ST6GALNAC5: variants seen among roughly 807,000 people sequenced by gnomAD.
ST6GALNAC5 encodes alpha-N-acetylgalactosaminide alpha-2,6-sialyltransferase 5.
ST6GALNAC5 carries 27 observed loss-of-function variants against 33.6 expected under a neutral mutation model. The observed-to-expected ratio is 0.80, with a 90% CI of 0.59 to 1.11. The LOEUF is 1.11. ST6GALNAC5 is among the 50% of genes least tolerant of loss of function. The pLI, the probability that ST6GALNAC5 is intolerant of heterozygous loss-of-function variation, is 0.00. For synonymous variants in ST6GALNAC5, 194 were observed against 171.2 expected, an observed-to-expected ratio of 1.13 and a Z score of -1.04; for missense variants, 428 against 454.0, an observed-to-expected ratio of 0.94 and a Z score of 0.52.
intron 2 of ST6GALNAC5, among the ~76,000 whole-genome samples, chr1:77,040,904 C>T (rs1302203647): frequency 6.6e-6 from 1 of 152,190 alleles, no homozygotes; most frequent in African/African-American, 2.4e-5. Context: ...CAGTGAAGGT[C>T]TTTAGAATGA....
intron 2 of ST6GALNAC5, among the ~76,000 whole-genome samples, chr1:76,993,780 A>C (rs558845825): frequency 6.6e-6 from 1 of 152,150 alleles, no homozygotes; most frequent in Admixed American, 6.5e-5. Flanking sequence ...AGATTTATCC[A>C]ACTCTCTCCT....
chr1:77,004,927 G>A (rs1650333759), intron 2 of ST6GALNAC5, among the ~76,000 whole-genome samples: 1 of 146,104 alleles, frequency 6.8e-6, no homozygotes, highest in South Asian at 2.3e-4. Context: ...AGTCTGCAGA[G>A]GTTACTGCTG....
At chr1:76,908,996 A>C (rs909447363) in intron 2 of ST6GALNAC5, among the ~76,000 whole-genome samples, 6 of 152,164 alleles carry the variant, frequency 3.9e-5, no homozygotes, top group African/African-American at 1.4e-4. Flanking sequence ...ATAACTACCC[A>C]GTGGTTATTA....
In ST6GALNAC5 at chr1:77,004,631, T is replaced by A. The variant is rs1314945677; in HGVS notation, c.262-39573T>A. On this transcript the variant is annotated intron_variant, in intron 2 of 4. Coordinates refer to ENST00000477717, the MANE Select transcript of ST6GALNAC5 (RefSeq NM_030965.3). ...CCCCATCTTTGTGGTTTTATCTACT[T>A]TTGGTCTTTGATGATGGTGATGTAC... is the stretch of plus-strand genomic sequence containing the variant. Among the ~76,000 whole-genome samples, 285 of 121,154 alleles carry A rather than the reference T, an allele frequency of 2.4e-3. 5 individuals are homozygous for A. The highest frequency in any genetic ancestry group is 7.0e-3 in the African/African-American group (274 of 39,062). The allele number at this position is 121,154 out of a possible 152,430, so 79.5% of individuals were successfully genotyped here. A position where few individuals can be genotyped will look rare whatever the true frequency, so the allele number is the denominator to read the frequency against.
chr1:76,930,342 AC>A lies in ST6GALNAC5; in HGVS notation c.261+61601del, dbSNP rs1647127605. ...GTTTGTTGAATAAGTAAATAAACCC[AC>A]TGGTCATGTGCACCTTCACTCAGTA... On this transcript the variant is annotated intron_variant, in intron 2 of 4. Coordinates refer to ENST00000477717, the MANE Select transcript of ST6GALNAC5 (RefSeq NM_030965.3). 2.8e-5 allele frequency among the ~76,000 whole-genome samples: 3 copies of A among 108,744 alleles called. No homozygotes were observed. In the South Asian group the frequency reaches 1.1e-3, roughly 41 times the overall value. The allele number at this position is 108,744 out of a possible 152,430, so 71.3% of individuals were successfully genotyped here.
chr1:76,886,899 C>G (rs1653908171), intron 2 of ST6GALNAC5, among the ~76,000 whole-genome samples: 1 of 152,216 alleles, frequency 6.6e-6, no homozygotes, highest in African/African-American at 2.4e-5. Flanking sequence ...CTCTTTAACA[C>G]TGAATAATAT....
chr1:77,000,772 T>C (rs1423522911), intron 2 of ST6GALNAC5, among the ~76,000 whole-genome samples: 4 of 151,764 alleles, frequency 2.6e-5, no homozygotes, highest in Non-Finnish European at 5.9e-5. Flanking sequence ...TGCTTGTTTT[T>C]CTCAGGTTTG....
At chr1:76,968,644 G>C (rs987507580) in intron 2 of ST6GALNAC5, among the ~76,000 whole-genome samples, 1 of 152,140 alleles carries the variant, frequency 6.6e-6, no homozygotes, top group Admixed American at 6.5e-5. Flanking sequence ...TGGTTATTTT[G>C]CCCATTAGTT....
At chr1:76,985,254 A>G (rs957475562) in intron 2 of ST6GALNAC5, among the ~76,000 whole-genome samples, 6 of 152,216 alleles carry the variant, frequency 3.9e-5, no homozygotes, top group Admixed American at 3.3e-4. Flanking sequence ...ATGATTGTAT[A>G]TTTAGAAAAC....
intron 2 of ST6GALNAC5, among the ~76,000 whole-genome samples, chr1:76,955,329 G>A (rs1647915149): frequency 6.6e-6 from 1 of 152,138 alleles, no homozygotes; most frequent in African/African-American, 2.4e-5. Context: ...AATTGGATGT[G>A]CTTCAAGGTC....
At chr1:76,936,230 T>G (rs1367084128) in intron 2 of ST6GALNAC5, among the ~76,000 whole-genome samples, 1 of 152,108 alleles carries the variant, frequency 6.6e-6, no homozygotes, top group Non-Finnish European at 1.5e-5. Context: ...TTGACTATTT[T>G]CCAAGGGTCT....
intron 2 of ST6GALNAC5, among the ~76,000 whole-genome samples, chr1:76,912,187 G>A (rs1423105693): frequency 2.0e-5 from 3 of 152,130 alleles, no homozygotes; most frequent in Non-Finnish European, 4.4e-5. Flanking sequence ...TATGTACCCA[G>A]TAGTCATTCA....
At chr1:76,942,383 G>A (rs543138603) in intron 2 of ST6GALNAC5, among the ~76,000 whole-genome samples, 1 of 152,206 alleles carries the variant, frequency 6.6e-6, no homozygotes, top group African/African-American at 2.4e-5. Flanking sequence ...TTAGGTTTGG[G>A]AAGTTCACTT....
intron 2 of ST6GALNAC5, among the ~76,000 whole-genome samples, chr1:76,893,763 C>G (rs564111182): frequency 9.2e-5 from 14 of 152,144 alleles, no homozygotes; most frequent in African/African-American, 3.4e-4. Flanking sequence ...CGGGTTCAAG[C>G]GATTCTCCTG....
chr1:76,886,590 T>A (rs1306587216), intron 2 of ST6GALNAC5, among the ~76,000 whole-genome samples: 1 of 152,198 alleles, frequency 6.6e-6, no homozygotes, highest in Non-Finnish European at 1.5e-5. Context: ...AATCAACTAT[T>A]TCATTTTGCC....
intron 2 of ST6GALNAC5, among the ~76,000 whole-genome samples, chr1:76,897,742 C>G (rs1257401206): frequency 6.6e-6 from 1 of 152,002 alleles, no homozygotes; most frequent in African/African-American, 2.4e-5. Context: ...GTGTCTCTGC[C>G]TAATAAGGGA....
At chr1:77,004,142 A>T (rs539266028) in intron 2 of ST6GALNAC5, among the ~76,000 whole-genome samples, 1 of 151,870 alleles carries the variant, frequency 6.6e-6, no homozygotes, top group Admixed American at 6.6e-5. Context: ...TCAGACGTAG[A>T]TTTGGTCTTT....
At chr1:76,872,425 A>G (rs1430138212) in intron 2 of ST6GALNAC5, among the ~76,000 whole-genome samples, 1 of 152,148 alleles carries the variant, frequency 6.6e-6, no homozygotes, top group African/African-American at 2.4e-5. Context: ...GCCCCCAGGG[A>G]TGGATTTTAC....
rs184422853 is a variant in ST6GALNAC5, at chr1:76,952,989, C to G, written c.261+84247C>G. Among the ~76,000 whole-genome samples, 368 of 151,930 alleles carry G rather than the reference C, an allele frequency of 2.4e-3. 3 individuals are homozygous for G. Among genetic ancestry groups the G allele is most frequent in the African/African-American group, 8.3e-3 (346 of 41,476 alleles). ...TGACTTTTTTCACTAAGAATAATAC[C>G]CTAGTTTCGTCTACATAGTTGCATG... On this transcript the variant is annotated intron_variant, in intron 2 of 4. Coordinates refer to ENST00000477717, the MANE Select transcript of ST6GALNAC5 (RefSeq NM_030965.3).
Sources: allele counts gnomAD v4.1 joint callset (sites outside exome capture counted in the v4.1 genomes callset), GRCh38; gene constraint gnomAD v4.1.1; transcripts MANE v1.5; gene names NCBI Gene and HGNC (gene_info 2026-07-23, HGNC 2026-07-21).